Variants in CD37 observed in about 807,000 individuals in gnomAD.
CD37 encodes leukocyte antigen CD37.
A neutral mutation model predicts 38.9 loss-of-function variants in CD37; 37 were observed. That is an observed-to-expected ratio of 0.95 (90% CI 0.73 to 1.25). The LOEUF (loss-of-function observed/expected upper bound fraction) is 1.25, where lower values mean the gene tolerates loss of function less well. CD37 is among the 50% of genes most tolerant of loss of function. The pLI is 0.00. For missense variants in CD37, 351 were observed against 360.1 expected (o/e 0.97, Z 0.20); for synonymous variants, 146 against 150.1 (o/e 0.97, Z 0.20).
At chr19:49,337,564 G>A in intron 4 of CD37, 1 of 1,184,188 alleles carries the variant, frequency 8.4e-7, no homozygotes, top group Non-Finnish European at 1.1e-6. Context: ...TGAGGCTACA[G>A]TGAGCCATGC....
At position 49,337,198 on chromosome 19, in the gene CD37, C is replaced by G. The variant is rs1253555309; in HGVS notation, c.319C>G (p.Leu107Val). Reference protein sequence around the residue: ...LFATQITLGILISTQRAQLER... With the variant: ...LFATQITLGIVISTQRAQLER... ...TGCCACACAGATCACCCTGGGAATC[C>G]TCATCTCCACTCAGCGGGCCCAGGT... Residue 107 changes from leucine to valine, a missense_variant, in exon 4 of 8, where the codon CTC becomes GTC. By Grantham distance (32) the Leu-to-Val change is conservative. Transcript: ENST00000323906. The G allele has an allele frequency of 6.2e-7, 1 of 1,614,026 alleles. No individual in the cohort carries two copies. Among genetic ancestry groups the G allele is most frequent in the African/African-American group, 1.3e-5 (1 of 74,946 alleles).
intron 4 of CD37, 35 bp from the exon 5 acceptor site, chr19:49,337,890 G>T (rs1971018564): frequency 6.2e-7 from 1 of 1,613,040 alleles, no homozygotes; most frequent in East Asian, 2.2e-5. Context: ...GTGGGGCGGG[G>T]AAGATAAGGC....
At chr19:49,336,786 A>G (rs1037425033) in intron 2 of CD37, 123 bp from the exon 3 acceptor site, 19 of 992,260 alleles carry the variant, frequency 1.9e-5, no homozygotes, top group Non-Finnish European at 2.7e-5. Context: ...TGGGGCAGGG[A>G]CAGAGTCCCA....
In CD37 at chr19:49,337,949, G is replaced by C; in HGVS notation, c.367G>C (p.Val123Leu). The C allele has an allele frequency of 6.2e-7, 1 of 1,614,062 alleles. No individual in the cohort carries two copies. Among genetic ancestry groups the C allele is most frequent in the Non-Finnish European group, 8.5e-7 (1 of 1,179,982 alleles). The stretch of plus-strand genomic sequence containing the variant: ...GCTGGAGCGAAGCTTGCGGGACGTC[G>C]TAGAGAAAACCATCCAAAAGTACGG... ...AQLERSLRDV[V>L]EKTIQKYGTN... Residue 123 changes from valine to leucine, a missense_variant, in exon 5 of 8, where the codon GTA (valine) becomes CTA (leucine). By Grantham distance (32) the Val-to-Leu change is conservative. Transcript: ENST00000323906.
Position 49,340,361 on chromosome 19 carries a change from C to A in CD37, c.*33C>A. The A allele has an allele frequency of 1.4e-6, 2 of 1,416,212 alleles. No homozygotes were observed. Among genetic ancestry groups the A allele is most frequent in the Non-Finnish European group, 1.0e-6 (1 of 1,001,250 alleles). 87.7% of individuals were successfully genotyped at this position (1,416,212 alleles called of 1,614,324 possible). A position where few individuals can be genotyped will look rare whatever the true frequency, so the allele number is the denominator to read the frequency against. ...CCTCCCCAAAGTCCCGCCCCGCCCC[C>A]GTCACGTGCGCTGGGCACTTCCCTG... On this transcript the variant is annotated 3_prime_UTR_variant, in exon 8 of 8. Transcript: ENST00000323906.
Position 49,336,894 on chromosome 19 carries a change from C to T in CD37, c.143-15C>T, listed in dbSNP as rs1313942184. 1.9e-6 allele frequency: 3 copies of T among 1,613,410 alleles called. No homozygotes were observed. The African/African-American group carries it at 4.0e-5, about 22-fold the overall frequency. ...GTGCCACACAGCTCATCATCACTCC[C>T]CTCACCTCTCCCAGGCTTGGCCTTC... On this transcript the variant is annotated splice_polypyrimidine_tract_variant and intron_variant, in intron 2 of 7. Coordinates refer to ENST00000323906, the MANE Select transcript of CD37 (RefSeq NM_001774.3).
In CD37 at chr19:49,339,227, G is replaced by T; in HGVS notation, c.685-103G>T. 1 of 1,004,552 alleles carries T rather than the reference G, an allele frequency of 1.0e-6. No homozygotes were observed. Among genetic ancestry groups the T allele is most frequent in the Non-Finnish European group, 1.5e-6 (1 of 651,466 alleles). The allele number at this position is 1,004,552 out of a possible 1,614,324, so 62.2% of individuals were successfully genotyped here. A position where few individuals can be genotyped will look rare whatever the true frequency, so the allele number is the denominator to read the frequency against. On this transcript the variant is annotated intron_variant, in intron 6 of 7. Coordinates refer to ENST00000323906, the MANE Select transcript of CD37 (RefSeq NM_001774.3). This position sits in a 1 kb window ranked among gnomAD's most constrained non-coding sequence, Gnocchi z 4.5. The stretch of plus-strand genomic sequence containing the variant: ...AGAGTGCCCTGGTGACTAGGGGAGC[G>T]GGTAGATGCCTGAAGACGGTGAGGG...
Position 49,338,244 on chromosome 19 carries a change from C to T in CD37, c.447+215C>T. On this transcript the variant is annotated intron_variant, in intron 5 of 7. Transcript: ENST00000323906. This position sits in a 1 kb window ranked among gnomAD's most constrained non-coding sequence, Gnocchi z 5.0. The stretch of plus-strand genomic sequence containing the variant: ...CCAGACCCTGGCGTGGCTTCGCCAT[C>T]TACCTCGAGAGACTCCGCCCCCGCC... 7.2e-7 allele frequency: 1 copy of T among 1,393,438 alleles called. No individual in the cohort carries two copies. The highest frequency in any genetic ancestry group is 9.4e-7 in the Non-Finnish European group (1 of 1,065,784). The allele number at this position is 1,393,438 out of a possible 1,614,324, so 86.3% of individuals were successfully genotyped here. A position where few individuals can be genotyped will look rare whatever the true frequency, so the allele number is the denominator to read the frequency against.
At position 49,339,683 on chromosome 19, in the gene CD37, A is replaced by C; in HGVS notation, c.768+270A>C. ...ATGACTGTCATGGTGCTGAGCGTAC[A>C]GCTACAGCGCAGGGCACTCCGCCGG... On this transcript the variant is annotated intron_variant, in intron 7 of 7. Transcript: ENST00000323906. This position sits in a 1 kb window ranked among gnomAD's most constrained non-coding sequence, Gnocchi z 4.5. The C allele has an allele frequency of 1.4e-6, 2 of 1,422,152 alleles. No homozygotes were observed. Among genetic ancestry groups the C allele is most frequent in the South Asian group, 3.1e-5 (2 of 65,012 alleles). 88.1% of individuals were successfully genotyped at this position (1,422,152 alleles called of 1,614,324 possible). A position where few individuals can be genotyped will look rare whatever the true frequency, so the allele number is the denominator to read the frequency against.
chr19:49,335,696 C>T lies in CD37; in HGVS notation c.70-18C>T, dbSNP rs747834097. ...TTCCCCTGTGGCCCACCCCCGTATCCGCATCTCCTCTCCCCAGGTCCTCGG... is the reference window on the plus strand; with the variant it reads ...TTCCCCTGTGGCCCACCCCCGTATCTGCATCTCCTCTCCCCAGGTCCTCGG... On this transcript the variant is annotated intron_variant, in intron 1 of 7. Coordinates refer to ENST00000323906, the MANE Select transcript of CD37 (RefSeq NM_001774.3). This position sits in a 1 kb window ranked among gnomAD's most constrained non-coding sequence, Gnocchi z 4.6. 21 of 1,613,576 alleles carry T rather than the reference C, an allele frequency of 1.3e-5. No homozygotes were observed. The highest frequency in any genetic ancestry group is 1.1e-4 in the African/African-American group (8 of 74,928).
chr19:49,340,173 T>G, intron 7 of CD37, 78 bp from the exon 8 acceptor site: 1 of 1,211,326 alleles, frequency 8.3e-7, no homozygotes, highest in Non-Finnish European at 1.2e-6. Context: ...ACCCCTGACC[T>G]TTCTCGCCCG....
In CD37 at chr19:49,337,993, C is replaced by T. The variant is rs1322072751; in HGVS notation, c.411C>T (p.Thr137=). The stretch of plus-strand genomic sequence containing the variant: ...AGTACGGCACCAACCCCGAGGAGAC[C>T]GCGGCCGAGGAGAGCTGGGACTATG... ...IQKYGTNPEE[T]AAEESWDYVQ... is the part of the protein sequence containing the mutation. Residue 137 remains threonine (T), a synonymous_variant, in exon 5 of 8, where the codon ACC becomes ACT. Coordinates refer to ENST00000323906, the MANE Select transcript of CD37 (RefSeq NM_001774.3). 4 of 1,614,020 alleles carry T rather than the reference C, an allele frequency of 2.5e-6. No individual in the cohort carries two copies. The highest frequency in any genetic ancestry group is 3.4e-6 in the Non-Finnish European group (4 of 1,179,984).
At chr19:49,337,733 G>C in intron 4 of CD37, 192 bp from the exon 5 acceptor site, 1 of 1,536,106 alleles carries the variant, frequency 6.5e-7, no homozygotes, top group Non-Finnish European at 8.7e-7. Flanking sequence ...TGAAAGAAGA[G>C]ACAGAGACTT....
Position 49,339,360 on chromosome 19 carries a change from CACA to C in CD37, c.721_723del (p.Asn241del). The C allele has an allele frequency of 1.2e-6, 2 of 1,614,068 alleles. No homozygotes were observed. Among genetic ancestry groups the C allele is most frequent in the Non-Finnish European group, 1.7e-6 (2 of 1,179,954 alleles). ...CGCGCAGGGCCTCCAGAAGTGGCTG[CACA>C]ACAACCTTATTTCCATAGTGGGCAT... On this transcript the variant is annotated inframe_deletion, in exon 7 of 8. Coordinates refer to ENST00000323906, the MANE Select transcript of CD37 (RefSeq NM_001774.3). This position sits in a 1 kb window ranked among gnomAD's most constrained non-coding sequence, Gnocchi z 4.5.
intron 4 of CD37, chr19:49,337,701 C>T (rs1461078147): frequency 1.1e-5 from 17 of 1,532,732 alleles, no homozygotes; most frequent in Non-Finnish European, 1.4e-5. Flanking sequence ...AAAGAGAGAA[C>T]AAGAGAAAGA....
Position 49,339,800 on chromosome 19 carries a change from G to GGGGTGGCTGGGGCATGGC in CD37, c.768+393_768+410dup, listed in dbSNP as rs1402667902. The GGGGTGGCTGGGGCATGGC allele has an allele frequency of 1.3e-5, 17 of 1,356,640 alleles. No homozygotes were observed. The highest frequency in any genetic ancestry group is 1.5e-5 in the Non-Finnish European group (16 of 1,053,636). 84.0% of individuals were successfully genotyped at this position (1,356,640 alleles called of 1,614,324 possible). ...GGCGGCGGGCACAGCGGCAGTCTGT[G>GGGGTGGCTGGGGCATGGC]GGGTGGCTGGGGCATGGCGGGTGCC... On this transcript the variant is annotated intron_variant, in intron 7 of 7. Coordinates refer to ENST00000323906, the MANE Select transcript of CD37 (RefSeq NM_001774.3). The surrounding 1 kb of genome is among the most constrained non-coding windows in gnomAD (Gnocchi z 4.5).
chr19:49,338,161 A>G lies in CD37; in HGVS notation c.447+132A>G. On this transcript the variant is annotated intron_variant, in intron 5 of 7. Transcript: ENST00000323906. The surrounding 1 kb of genome is among the most constrained non-coding windows in gnomAD (Gnocchi z 5.0). ...CACACCCCAATCCCTCCCAGGCCCG[A>G]CGCTCCCCACTCCCCAGATGACACA... The G allele has an allele frequency of 6.9e-7, 1 of 1,455,362 alleles. No homozygotes were observed. Among genetic ancestry groups the G allele is most frequent in the Non-Finnish European group, 9.0e-7 (1 of 1,105,498 alleles). The allele number at this position is 1,455,362 out of a possible 1,614,324, so 90.2% of individuals were successfully genotyped here.
In CD37 at chr19:49,337,275, G is replaced by A; in HGVS notation, c.342+54G>A. On this transcript the variant is annotated intron_variant, in intron 4 of 7. Transcript: ENST00000323906. Reference sequence around the variant, plus strand: ...CCCCCAGCAGGGAGGAGAGGGAAGGGAGTGGTGGGAGAGGGTGGAGAGAGA... The same window carrying A: ...CCCCCAGCAGGGAGGAGAGGGAAGGAAGTGGTGGGAGAGGGTGGAGAGAGA... 2.6e-6 allele frequency: 4 copies of A among 1,537,700 alleles called. No homozygotes were observed. The South Asian group carries it at 3.3e-5, about 13-fold the overall frequency.
chr19:49,339,490 T>C lies in CD37; in HGVS notation c.768+77T>C. On this transcript the variant is annotated intron_variant, in intron 7 of 7. Transcript: ENST00000323906. The surrounding 1 kb of genome is among the most constrained non-coding windows in gnomAD (Gnocchi z 4.5). ...CTGCCCTTCATTTCGCGTCCTTCGG[T>C]TGCCTGGGAAGGACGAGCTCAGGGC... 6.5e-7 allele frequency: 1 copy of C among 1,543,316 alleles called. No individual in the cohort carries two copies. The highest frequency in any genetic ancestry group is 8.9e-7 in the Non-Finnish European group (1 of 1,127,114).
Sources: allele counts gnomAD v4.1 joint callset, GRCh38; gene constraint gnomAD v4.1.1; non-coding constraint Gnocchi (gnomAD v3.1); transcripts MANE v1.5; gene names NCBI Gene and HGNC (gene_info 2026-07-23, HGNC 2026-07-21).